Variants in CHD7 observed in about 807,000 individuals in gnomAD.
CHD7 encodes ATP-dependent chromatin remodeler CHD7.
CHD7 carries 24 observed loss-of-function variants against 307.3 expected under a neutral mutation model. The observed-to-expected ratio is 0.08, with a 90% CI of 0.06 to 0.11. CHD7 has a LOEUF of 0.11. CHD7 is among the 10% of genes least tolerant of loss of function. The pLI is 1.00. For synonymous variants in CHD7, 1,363 were observed against 1,349.9 expected (o/e 1.01, Z -0.21); for missense variants, 3,106 against 3,727.1 (o/e 0.83, Z 4.34).
At chr8:60,861,377 C>G (rs1427143467) in intron 35 of CHD7, 1 of 398,004 alleles carries the variant, frequency 2.5e-6, no homozygotes, top group Non-Finnish European at 4.5e-6. Context: ...TTTGCTTCTC[C>G]CATCAAACTC....
intron 1 of CHD7, among the ~76,000 whole-genome samples, chr8:60,715,175 GTGAAGAA>G (rs1807528441): frequency 2.0e-5 from 3 of 152,200 alleles, no homozygotes; most frequent in African/African-American, 7.2e-5. Context: ...ACCGATGAGA[GTGAAGAA>G]CTAACAGCTT....
intron 8 of CHD7, among the ~76,000 whole-genome samples, chr8:60,819,636 C>T (rs1424078316): frequency 1.3e-5 from 2 of 152,232 alleles, no homozygotes; most frequent in South Asian, 2.1e-4. Flanking sequence ...TAACACTTTG[C>T]ATGACTCTGA....
intron 3 of CHD7, among the ~76,000 whole-genome samples, chr8:60,782,537 A>G (rs1191155881): frequency 2.6e-5 from 4 of 152,250 alleles, no homozygotes; most frequent in Non-Finnish European, 5.9e-5. Context: ...ATAGCCATTT[A>G]GGAAATTTTG....
intron 1 of CHD7, among the ~76,000 whole-genome samples, chr8:60,736,395 G>A (rs988549099): frequency 6.6e-6 from 1 of 152,140 alleles, no homozygotes; most frequent in African/African-American, 2.4e-5. Flanking sequence ...TTTGTCTTCG[G>A]TCTGTCCACC....
chr8:60,810,668 A>G (rs1309413141), intron 7 of CHD7, among the ~76,000 whole-genome samples: 3 of 152,046 alleles, frequency 2.0e-5, no homozygotes, highest in African/African-American at 7.3e-5. Flanking sequence ...TTACTAGCCC[A>G]TATTTCTGTG....
intron 1 of CHD7, among the ~76,000 whole-genome samples, chr8:60,716,217 C>T (rs749153282): frequency 1.3e-5 from 2 of 152,230 alleles, no homozygotes; most frequent in Non-Finnish European, 2.9e-5. Context: ...TCCCCTACTG[C>T]TCTCCCTGCT....
Position 60,781,009 on chromosome 8 carries a change from T to C in CHD7, c.1675T>C (p.Ser559Pro). 1 of 1,559,472 alleles carries C rather than the reference T, an allele frequency of 6.4e-7. No homozygotes were observed. Reference protein sequence around the residue: ...QKVPVHQHSPSEPFLEKPVPD... With the variant: ...QKVPVHQHSPPEPFLEKPVPD... ...TATTTGTGTCTCTCAGCATTCCCCG[T>C]CGGAGCCCTTTCTAGAGAAACCAGT... The change falls in exon 3 of 38, where the codon TCG becomes CCG. Residue 559 changes from serine (S) to proline (P), a missense_variant. Transcript: ENST00000423902.
At chr8:60,852,329 C>A (rs1805491997) in intron 29 of CHD7, 82 bp downstream of exon 29, 1 of 1,374,320 alleles carries the variant, frequency 7.3e-7, no homozygotes, top group South Asian at 1.4e-5. Context: ...AGACAGGACT[C>A]ATATCAAAGG....
chr8:60,852,066 A>C lies in CHD7; in HGVS notation c.5713A>C (p.Asn1905His). ...NAELGQLYWP[N>H]TSTLTTRLRR... is the part of the protein sequence containing the mutation. ...TGAGTTAGGCCAACTTTACTGGCCT[A>C]ACACTTCAACCCTGACTACACGTCT... The change falls in exon 29 of 38, where the codon AAC (asparagine) becomes CAC (histidine). Residue 1905 changes from asparagine to histidine, a missense_variant. By Grantham distance (68) the Asn-to-His change is moderately conservative. Around this residue, in one of 10 missense-constraint regions of CHD7, gnomAD observed 1,030 missense variants for 1,165.4 expected, o/e 0.88. Transcript: ENST00000423902. 1 of 1,613,890 alleles carries C rather than the reference A, an allele frequency of 6.2e-7. No individual in the cohort carries two copies. The highest frequency in any genetic ancestry group is 8.5e-7 in the Non-Finnish European group (1 of 1,179,844).
intron 1 of CHD7, 123 bp from the exon 2 acceptor site, chr8:60,741,136 G>A (rs1241894070): frequency 2.4e-6 from 1 of 408,420 alleles, no homozygotes; most frequent in African/African-American, 2.0e-5. Context: ...CTCAGCGAGG[G>A]AGCTAGATTC....
intron 34 of CHD7, 37 bp from the exon 35 acceptor site, chr8:60,860,867 T>C (rs923544568): frequency 6.7e-7 from 1 of 1,485,420 alleles, no homozygotes; most frequent in Non-Finnish European, 9.3e-7. Flanking sequence ...GGCTCTCTCT[T>C]CGTGTGAGAA....
Position 60,824,013 on chromosome 8 carries a change from C to G in CHD7, c.3375C>G (p.Asp1125Glu). The G allele has an allele frequency of 2.5e-6, 4 of 1,612,284 alleles. No individual in the cohort carries two copies. Among genetic ancestry groups the G allele is most frequent in the Middle Eastern group, 3.3e-4 (2 of 6,056 alleles). ...CKLLEGLKMM[D>E]LEHKVLLTGT... ...TGTTGGAGGGACTCAAGATGATGGACTTGGTCAGTGACCATATTGGTGATT... is the reference window on the plus strand; with the variant it reads ...TGTTGGAGGGACTCAAGATGATGGAGTTGGTCAGTGACCATATTGGTGATT... The change falls in exon 13 of 38, where the codon GAC becomes GAG. Residue 1125 changes from aspartate to glutamate, a missense_variant. Physicochemically the swap from Asp to Glu is conservative, Grantham distance 45. Coordinates refer to ENST00000423902, the MANE Select transcript of CHD7 (RefSeq NM_017780.4).
intron 6 of CHD7, among the ~76,000 whole-genome samples, chr8:60,806,428 A>G (rs185760316): frequency 3.3e-5 from 5 of 152,292 alleles, no homozygotes; most frequent in Admixed American, 6.5e-5. Flanking sequence ...TGGGTCTTGG[A>G]TGGATGGCCA....
chr8:60,847,162 C>T (rs1226949962), intron 23 of CHD7, among the ~76,000 whole-genome samples: 2 of 152,194 alleles, frequency 1.3e-5, no homozygotes, highest in African/African-American at 4.8e-5. Flanking sequence ...TCACACTTGG[C>T]CTATCCAGAA....
At chr8:60,737,472 C>T (rs913295115) in intron 1 of CHD7, among the ~76,000 whole-genome samples, 1 of 151,972 alleles carries the variant, frequency 6.6e-6, no homozygotes, top group Non-Finnish European at 1.5e-5. Flanking sequence ...TTTTTTTCAT[C>T]TGTTAAATGA....
chr8:60,698,668 T>C (rs941174560), intron 1 of CHD7, among the ~76,000 whole-genome samples: 1 of 152,214 alleles, frequency 6.6e-6, no homozygotes, highest in Non-Finnish European at 1.5e-5. Context: ...TGAACTATAG[T>C]TAATATTGTT....
intron 2 of CHD7, among the ~76,000 whole-genome samples, chr8:60,759,482 T>TCTCTCCCTCTCCCTCTCC (rs145962670): frequency 7.0e-6 from 1 of 143,618 alleles, no homozygotes; most frequent in African/African-American, 2.6e-5. Context: ...CCTCTCTCCC[T>TCTCTCCCTCTCCCTCTCC]CTCTCCCTCT....
chr8:60,713,901 T>C (rs1807409004), intron 1 of CHD7, among the ~76,000 whole-genome samples: 1 of 71,880 alleles, frequency 1.4e-5, no homozygotes, highest in South Asian at 1.0e-3. Context: ...TTTCCTTCTT[T>C]TTCTTATTTT....
intron 2 of CHD7, among the ~76,000 whole-genome samples, chr8:60,766,911 A>G (rs2150634788): frequency 6.6e-6 from 1 of 152,352 alleles, no homozygotes; most frequent in South Asian, 2.1e-4. Context: ...TTAAAGCAAT[A>G]GGTAGATTCT....
Sources: gnomAD v4.1 joint callset for allele counts (sites outside exome capture counted in the v4.1 genomes callset) on GRCh38, gnomAD v4.1.1 for gene constraint, gnomAD v4.1.1 regional missense constraint, MANE v1.5 for transcripts, NCBI Gene and HGNC (gene_info 2026-07-23, HGNC 2026-07-21) for gene names.